The following RBFOX1 variants were observed in gnomAD, a reference collection of about 807,000 sequenced individuals.
The protein encoded by RBFOX1 is RNA binding protein fox-1 homolog 1.
In RBFOX1, 8 loss-of-function variants were observed where a neutral mutation model predicts 57.7. The ratio of observed to expected loss-of-function variants is 0.14; its 90% confidence interval spans 0.08 to 0.25. RBFOX1 has a LOEUF of 0.25. Ranked by LOEUF, RBFOX1 falls within the 10% of genes least tolerant of loss-of-function variation. The pLI is 1.00. For missense variants in RBFOX1, 611 were observed against 548.5 expected (o/e 1.11, Z -1.14); for synonymous variants, 326 against 222.4 (o/e 1.47, Z -4.15).
chr16:7,349,174 T>A (rs1297062945), intron 4 of RBFOX1, among the ~76,000 whole-genome samples: 3 of 152,084 alleles, frequency 2.0e-5, no homozygotes, highest in African/African-American at 7.2e-5. Flanking sequence ...TCATGCTCAT[T>A]TTAGGACTAA....
At chr16:5,596,827 C>T (rs2047198403) in intron 2 of RBFOX1, among the ~76,000 whole-genome samples, 1 of 152,216 alleles carries the variant, frequency 6.6e-6, no homozygotes, top group Admixed American at 6.5e-5. Flanking sequence ...CCTTCTCTCC[C>T]CATTCAGGCT....
intron 2 of RBFOX1, among the ~76,000 whole-genome samples, chr16:5,498,748 T>G (rs918816473): frequency 6.6e-6 from 1 of 152,242 alleles, no homozygotes; most frequent in Non-Finnish European, 1.5e-5. Context: ...CAGTTGCAGC[T>G]TACACTGTAC....
intron 1 of RBFOX1, among the ~76,000 whole-genome samples, chr16:5,429,060 C>T (rs2151507589): frequency 6.6e-6 from 1 of 152,276 alleles, no homozygotes; most frequent in East Asian, 1.9e-4. Context: ...TCTCCTGGCC[C>T]TCTGGTGGCG....
chr16:6,037,542 C>T (rs1370862523), intron 1 of RBFOX1: 1 of 141,654 alleles, frequency 7.1e-6, no homozygotes, highest in Non-Finnish European at 1.6e-5. Flanking sequence ...AAAAAAAAAA[C>T]AGTCCGTTGA....
At chr16:7,639,934 C>G (rs914028200) in intron 11 of RBFOX1, among the ~76,000 whole-genome samples, 1 of 152,192 alleles carries the variant, frequency 6.6e-6, no homozygotes, top group Non-Finnish European at 1.5e-5. Context: ...CTACCCCCCA[C>G]CCACCAATGG....
intron 3 of RBFOX1, among the ~76,000 whole-genome samples, chr16:6,855,370 G>C (rs889606994): frequency 6.6e-6 from 1 of 152,126 alleles, no homozygotes; most frequent in Non-Finnish European, 1.5e-5. Flanking sequence ...AAGAGATCTT[G>C]GCCGGGCGCA....
intron 4 of RBFOX1, among the ~76,000 whole-genome samples, chr16:5,923,802 A>G (rs974104509): frequency 6.6e-6 from 1 of 151,728 alleles, no homozygotes; most frequent in Non-Finnish European, 1.5e-5. Flanking sequence ...CAGCCTCCCA[A>G]AGTGCTGGGA....
chr16:6,574,865 C>T (rs1409108710), intron 2 of RBFOX1, among the ~76,000 whole-genome samples: 9 of 151,030 alleles, frequency 6.0e-5, no homozygotes, highest in South Asian at 2.1e-4. Context: ...GGTGAAACCC[C>T]GTCTCTACTA....
intron 3 of RBFOX1, among the ~76,000 whole-genome samples, chr16:5,652,925 C>G (rs909019474): frequency 2.6e-5 from 4 of 152,284 alleles, no homozygotes; most frequent in South Asian, 2.1e-4. Context: ...CTTACCCTTC[C>G]TTTCTCATAT....
intron 4 of RBFOX1, among the ~76,000 whole-genome samples, chr16:7,483,367 A>T (rs1024321277): frequency 5.9e-5 from 9 of 152,198 alleles, no homozygotes; most frequent in African/African-American, 1.9e-4. Context: ...GAATTGGGGC[A>T]AGTTATTTAT....
chr16:6,912,487 T>G (rs1004967449), intron 3 of RBFOX1, among the ~76,000 whole-genome samples: 2 of 152,216 alleles, frequency 1.3e-5, no homozygotes, highest in African/African-American at 4.8e-5. Flanking sequence ...TAGATCAGAT[T>G]GAAGTATTCT....
chr16:6,492,163 G>T (rs1008426718), intron 2 of RBFOX1, among the ~76,000 whole-genome samples: 4 of 152,116 alleles, frequency 2.6e-5, no homozygotes, highest in African/African-American at 9.7e-5. Context: ...TTGTATATGT[G>T]AAAGTTTTAT....
At chr16:5,633,643 G>A (rs975830613) in intron 3 of RBFOX1, among the ~76,000 whole-genome samples, 3 of 152,128 alleles carry the variant, frequency 2.0e-5, no homozygotes, top group African/African-American at 7.2e-5. Flanking sequence ...GGAGGTCGAG[G>A]TGGGTGGCTC....
chr16:5,874,906 A>T (rs1243209791), intron 4 of RBFOX1, among the ~76,000 whole-genome samples: 1 of 152,170 alleles, frequency 6.6e-6, no homozygotes, highest in Admixed American at 6.5e-5. Context: ...TGATTGCACC[A>T]CTGGACCCCT....
intron 4 of RBFOX1, among the ~76,000 whole-genome samples, chr16:7,321,959 C>A (rs747978977): frequency 6.6e-6 from 1 of 152,234 alleles, no homozygotes; most frequent in Non-Finnish European, 1.5e-5. Flanking sequence ...AGCTGCACAG[C>A]TTGGCACAGC....
chr16:5,360,192 C>T (rs1276730390), intron 1 of RBFOX1, among the ~76,000 whole-genome samples: 3 of 152,300 alleles, frequency 2.0e-5, no homozygotes, highest in South Asian at 2.1e-4. Context: ...TCCGTGGACA[C>T]GCAGGCCTGG....
At chr16:6,746,710 C>G (rs1319412272) in intron 3 of RBFOX1, among the ~76,000 whole-genome samples, 1 of 151,834 alleles carries the variant, frequency 6.6e-6, no homozygotes, top group East Asian at 1.9e-4. Context: ...CTTATTAATC[C>G]TTAACTATTA....
intron 4 of RBFOX1, among the ~76,000 whole-genome samples, chr16:7,246,340 C>A (rs1056131815): frequency 1.3e-5 from 2 of 152,160 alleles, no homozygotes; most frequent in African/African-American, 4.8e-5. Context: ...CGTCCTTGCT[C>A]CCTGGCATCC....
chr16:7,195,163 T>G (rs984976519), intron 4 of RBFOX1, among the ~76,000 whole-genome samples: 1 of 152,212 alleles, frequency 6.6e-6, no homozygotes, highest in Non-Finnish European at 1.5e-5. Flanking sequence ...GCATTTCTTG[T>G]TGGACCAGCC....
Sources: gnomAD v4.1 joint callset for allele counts (sites outside exome capture counted in the v4.1 genomes callset) on GRCh38, gnomAD v4.1.1 for gene constraint, MANE v1.5 for transcripts, NCBI Gene and HGNC (gene_info 2026-07-23, HGNC 2026-07-21) for gene names.